Variants in DMPK observed in about 807,000 individuals in gnomAD.
DMPK encodes myotonin-protein kinase.
DMPK carries 32 observed loss-of-function variants against 70.3 expected under a neutral mutation model. The observed-to-expected ratio is 0.46, with a 90% CI of 0.34 to 0.61. The LOEUF is 0.61. Ranked by LOEUF, DMPK falls within the 20% of genes least tolerant of loss-of-function variation. The pLI, the probability that DMPK is intolerant of heterozygous loss-of-function variation, is 0.01. For missense variants in DMPK, 899 were observed against 886.0 expected, an observed-to-expected ratio of 1.01 and a Z score of -0.19; for synonymous variants, 469 against 390.9, an observed-to-expected ratio of 1.20 and a Z score of -2.36.
At chr19:45,778,845 A>T in intron 4 of DMPK, 1 of 591,462 alleles carries the variant, frequency 1.7e-6, no homozygotes, top group Admixed American at 3.1e-5. Context: ...AAACACAAAC[A>T]AAAAAACTTT....
In DMPK at chr19:45,779,037, TAA is replaced by T. The variant is rs1167835815; in HGVS notation, c.432+225_432+226del. ...ACCCCCCGCAACAGAGACATCTTTA[TAA>T]GAGTCCCCCAGATCACCCCAGAAAC... On this transcript the variant is annotated intron_variant, in intron 4 of 14. Transcript: ENST00000291270. The T allele has an allele frequency of 2.2e-5, 13 of 600,268 alleles. 1 individual carries two copies. The highest frequency in any genetic ancestry group is 3.3e-5 in the Non-Finnish European group (11 of 337,486). The allele number at this position is 600,268 out of a possible 1,614,324, so 37.2% of individuals were successfully genotyped here. A position where few individuals can be genotyped will look rare whatever the true frequency, so the allele number is the denominator to read the frequency against.
Position 45,778,163 on chromosome 19 carries a change from G to A in DMPK, c.639C>T (p.Asp213=). The A allele has an allele frequency of 6.2e-7, 1 of 1,613,734 alleles. No homozygotes were observed. Among genetic ancestry groups the A allele is most frequent in the Non-Finnish European group, 8.5e-7 (1 of 1,179,894 alleles). The change falls in exon 6 of 15, where the codon GAC becomes GAT. Residue 213 remains aspartate (D), a synonymous_variant. Coordinates refer to ENST00000291270, the MANE Select transcript of DMPK (RefSeq NM_004409.5). ...CCCGCAGCTTGAGGCAAGAGCCGAA[G>A]TCGGCCAGGCGGATGTGGCCACAGC... ...LDRCGHIRLA[D]FGSCLKLRAD...
At chr19:45,773,945 T>C (rs1290219018) in intron 9 of DMPK, among the ~76,000 whole-genome samples, 2 of 149,966 alleles carry the variant, frequency 1.3e-5, no homozygotes, top group African/African-American at 4.9e-5. Flanking sequence ...GCCCAGCCTG[T>C]AAATTAGTAC....
rs147824333 is a variant in DMPK at position 45,771,830 on chromosome 19, G to C, written c.1443C>G (p.Thr481=). The change falls in exon 11 of 15, where the codon ACC becomes ACG. Residue 481 remains threonine, a synonymous_variant. Coordinates refer to ENST00000291270, the MANE Select transcript of DMPK (RefSeq NM_004409.5). ...LQEALEEEVL[T]RQSLSREMEA... ...CCATCTCCCGGCTCAGGCTCTGCCG[G>C]GTGAGCACCTCCTCCTCCAGGGCTT... 545 of 1,573,400 alleles carry C rather than the reference G, an allele frequency of 3.5e-4. 2 individuals carry two copies. In the African/African-American group the frequency reaches 6.8e-3, roughly 20 times the overall value.
chr19:45,782,085 A>C, intron 1 of DMPK, 108 bp downstream of exon 1: 6 of 1,047,454 alleles, frequency 5.7e-6, no homozygotes, highest in East Asian at 2.9e-5. Context: ...GGATCTCCCC[A>C]TGCCCATCCT....
chr19:45,772,363 C>T (rs1969511384), intron 10 of DMPK: 2 of 388,166 alleles, frequency 5.2e-6, no homozygotes, highest in South Asian at 4.3e-5. Flanking sequence ...CTCGCCTGAC[C>T]ACTTGGCACC....
In DMPK at chr19:45,770,262, C is replaced by CATT. The variant is rs1969291981; in HGVS notation, c.*225_*226insAAT. 9.3e-6 allele frequency: 6 copies of CATT among 644,020 alleles called. No individual in the cohort carries two copies. The East Asian group carries it at 1.4e-4, about 15-fold the overall frequency. 39.9% of individuals were successfully genotyped at this position (644,020 alleles called of 1,614,324 possible). A position where few individuals can be genotyped will look rare whatever the true frequency, so the allele number is the denominator to read the frequency against. ...GCAGCAGCAGCAGCAGCAGCAGCAG[C>CATT]AGCATTCCCGGCTACAAGGACCCTT... On this transcript the variant is annotated 3_prime_UTR_variant, in exon 15 of 15. Coordinates refer to ENST00000291270, the MANE Select transcript of DMPK (RefSeq NM_004409.5).
intron 9 of DMPK, among the ~76,000 whole-genome samples, chr19:45,773,250 C>T (rs1969577074): frequency 6.6e-6 from 1 of 152,180 alleles, no homozygotes; most frequent in Admixed American, 6.5e-5. Flanking sequence ...AGTGGCTGTC[C>T]CCTCCAACCC....
intron 1 of DMPK, among the ~76,000 whole-genome samples, chr19:45,781,246 A>G (rs1230682795): frequency 6.6e-6 from 1 of 152,184 alleles, no homozygotes; most frequent in Non-Finnish European, 1.5e-5. Context: ...AGGGCCAGAC[A>G]TATGAGGGCC....
At chr19:45,771,107 C>A in intron 13 of DMPK, 47 bp from the exon 14 acceptor site, 1 of 1,437,168 alleles carries the variant, frequency 7.0e-7, no homozygotes, top group South Asian at 1.3e-5. Context: ...CAGCCCAGCC[C>A]TCAGCGGTGG....
In DMPK at chr19:45,777,968, C is replaced by G. The variant is rs991489635; in HGVS notation, c.676-95G>C. 2 of 1,309,220 alleles carry G rather than the reference C, an allele frequency of 1.5e-6. No homozygotes were observed. Among genetic ancestry groups the G allele is most frequent in the African/African-American group, 1.5e-5 (1 of 68,214 alleles). The allele number at this position is 1,309,220 out of a possible 1,614,324, so 81.1% of individuals were successfully genotyped here. On this transcript the variant is annotated intron_variant, in intron 6 of 14. Transcript: ENST00000291270. This position sits in a 1 kb window ranked among gnomAD's most constrained non-coding sequence, Gnocchi z 6.7. ...CAACCACTCCCCAAATGCTTAGCCC[C>G]TCCCTCTGCCTGGTCTAATACTCCG...
intron 1 of DMPK, 125 bp from the exon 2 acceptor site, chr19:45,779,994 TGCTTCCCAGGG>T (rs1349611942): frequency 6.4e-7 from 1 of 1,561,484 alleles, no homozygotes; most frequent in South Asian, 1.2e-5. Context: ...TAGGACTGTC[TGCTTCCCAGGG>T]GCTTCCCCAC....
At chr19:45,770,940 G>C in intron 14 of DMPK, 31 bp downstream of exon 14, 1 of 1,391,564 alleles carries the variant, frequency 7.2e-7, no homozygotes, top group Non-Finnish European at 9.3e-7. Context: ...GGGGCGCGAC[G>C]GCGGAGGGGG....
rs377760466 is a variant in DMPK at position 45,780,023 on chromosome 19, C to T, written c.161-154G>A. ...TCCCAGGGGCTTCCCCACATAAACACCGTGTAAGGTTCTGGGGGCCAAAAA... is the reference window on the plus strand; with the variant it reads ...TCCCAGGGGCTTCCCCACATAAACATCGTGTAAGGTTCTGGGGGCCAAAAA... On this transcript the variant is annotated intron_variant, in intron 1 of 14. Transcript: ENST00000291270. 1.7e-4 allele frequency: 259 copies of T among 1,551,130 alleles called. 1 individual carries two copies. The highest frequency in any genetic ancestry group is 3.2e-5 in the Non-Finnish European group (37 of 1,146,704).
rs1337903623 is a variant in DMPK, at chr19:45,771,677, T to C, written c.1503-12A>G. 1.2e-6 allele frequency: 2 copies of C among 1,613,598 alleles called. No individual in the cohort carries two copies. Among genetic ancestry groups the C allele is most frequent in the Admixed American group, 1.7e-5 (1 of 60,004 alleles). The stretch of plus-strand genomic sequence containing the variant: ...CCTCGCGTAGTTGACTGTGGGGAGG[T>C]AAGGACGGTGAGTCCGTCCGGGCCG... On this transcript the variant is annotated splice_polypyrimidine_tract_variant and intron_variant, in intron 11 of 14. Coordinates refer to ENST00000291270, the MANE Select transcript of DMPK (RefSeq NM_004409.5).
rs1390661095 is a variant in DMPK at position 45,774,960 on chromosome 19, G to GC, written c.1220dup (p.Cys407TrpfsTer8). On this transcript the variant is annotated frameshift_variant, in exon 9 of 15. Coordinates refer to ENST00000291270, the MANE Select transcript of DMPK (RefSeq NM_004409.5). LOFTEE classifies it high-confidence loss of function. ...AGGGCAGTGCTTACCTGAGGGCCAT[G>GC]CAGGAGTAGGAGTAGCCCACAAAAG... is the stretch of plus-strand genomic sequence containing the variant. 5.0e-6 allele frequency: 8 copies of GC among 1,613,794 alleles called. No homozygotes were observed. The highest frequency in any genetic ancestry group is 6.8e-6 in the Non-Finnish European group (8 of 1,179,868).
At chr19:45,778,726 CA>C in intron 4 of DMPK, 85 bp from the exon 5 acceptor site, 1 of 1,424,092 alleles carries the variant, frequency 7.0e-7, no homozygotes, top group African/African-American at 1.4e-5. Flanking sequence ...CTCCCAGAGA[CA>C]CCCCATCCTT....
chr19:45,770,742 C>T, intron 14 of DMPK, 102 bp from the exon 15 acceptor site: 1 of 1,318,722 alleles, frequency 7.6e-7, no homozygotes, highest in Non-Finnish European at 1.0e-6. Context: ...CTTCCCTGCG[C>T]CCCGCCCCCG....
intron 1 of DMPK, chr19:45,780,662 G>T (rs2146261252): frequency 2.0e-6 from 2 of 983,434 alleles, no homozygotes; most frequent in Non-Finnish European, 2.4e-6. Flanking sequence ...GTGGAGGCAG[G>T]ATGGAGAGAG....
Sources: allele counts gnomAD v4.1 joint callset (sites outside exome capture counted in the v4.1 genomes callset), GRCh38; gene constraint gnomAD v4.1.1; non-coding constraint Gnocchi (gnomAD v3.1); transcripts MANE v1.5; gene names NCBI Gene and HGNC (gene_info 2026-07-23, HGNC 2026-07-21).